CENPW: variants seen among roughly 807,000 people sequenced by gnomAD.
CENPW encodes cancer-up-regulated gene 2 protein.
A neutral mutation model predicts 11.1 loss-of-function variants in CENPW; 3 were observed. That is an observed-to-expected ratio of 0.27 (90% CI 0.12 to 0.70). The LOEUF (loss-of-function observed/expected upper bound fraction) is 0.70, where lower values mean the gene tolerates loss of function less well. CENPW is among the 30% of genes least tolerant of loss of function. CENPW has a pLI of 0.77. For missense variants in CENPW, 100 were observed against 105.6 expected (o/e 0.95, Z 0.23); for synonymous variants, 38 against 42.0 (o/e 0.91, Z 0.37).
the CENPW span, among the ~76,000 whole-genome samples, chr6:126,419,115 A>G: frequency 6.6e-6 from 1 of 152,088 alleles, no homozygotes; most frequent in African/African-American, 2.4e-5. Flanking sequence ...AGATAATCAA[A>G]TTAGTAACCA....
chr6:126,376,057 C>T, the CENPW span, among the ~76,000 whole-genome samples: 12 of 152,228 alleles, frequency 7.9e-5, no homozygotes, highest in South Asian at 2.1e-3. Flanking sequence ...ATGACTTGCA[C>T]GTCCTGAAGA....
the CENPW span, among the ~76,000 whole-genome samples, chr6:126,421,238 A>G: frequency 6.6e-6 from 1 of 152,116 alleles, no homozygotes; most frequent in African/African-American, 2.4e-5. Flanking sequence ...AGATTTCATT[A>G]AAACTTTTAG....
chr6:126,386,889 A>G, the CENPW span, among the ~76,000 whole-genome samples: 1 of 151,980 alleles, frequency 6.6e-6, no homozygotes, highest in South Asian at 2.1e-4. Flanking sequence ...GAAGAAATAT[A>G]ATTAAAAATT....
At chr6:126,374,182 T>C in the CENPW span, among the ~76,000 whole-genome samples, 1 of 152,184 alleles carries the variant, frequency 6.6e-6, no homozygotes, top group Non-Finnish European at 1.5e-5. Flanking sequence ...ATAAGAACTC[T>C]AATAAAAATT....
chr6:126,402,236 A>G, the CENPW span, among the ~76,000 whole-genome samples: 1 of 150,518 alleles, frequency 6.6e-6, no homozygotes, highest in African/African-American at 2.4e-5. Context: ...CCTTCCCTTT[A>G]TTTTCTTTGT....
the CENPW span, among the ~76,000 whole-genome samples, chr6:126,407,487 C>G: frequency 3.3e-5 from 5 of 152,086 alleles, no homozygotes; most frequent in African/African-American, 7.2e-5. Context: ...ATTTCTACTT[C>G]TAGATTTTGA....
the CENPW span, among the ~76,000 whole-genome samples, chr6:126,426,605 T>C: frequency 6.6e-6 from 1 of 152,178 alleles, no homozygotes; most frequent in Non-Finnish European, 1.5e-5. Flanking sequence ...ATTGATTTTG[T>C]ACAATGATGC....
At chr6:126,364,491 T>A in the CENPW span, among the ~76,000 whole-genome samples, 29 of 152,136 alleles carry the variant, frequency 1.9e-4, no homozygotes, top group African/African-American at 7.2e-5. Context: ...TCCTACTCTC[T>A]CCAGAGAACT....
At chr6:126,428,180 A>C in the CENPW span, among the ~76,000 whole-genome samples, 1 of 152,352 alleles carries the variant, frequency 6.6e-6, no homozygotes, top group South Asian at 2.1e-4. Flanking sequence ...ACACATATCC[A>C]CATATATTAC....
chr6:126,385,995 A>G, the CENPW span, among the ~76,000 whole-genome samples: 1 of 152,108 alleles, frequency 6.6e-6, no homozygotes, highest in African/African-American at 2.4e-5. Flanking sequence ...TCAGTTGGTA[A>G]TGCCTAAAAT....
chr6:126,480,176 T>C, the CENPW span, among the ~76,000 whole-genome samples: 1 of 152,052 alleles, frequency 6.6e-6, no homozygotes, highest in Admixed American at 6.6e-5. Context: ...AAGTCTTTTT[T>C]TCTACGCACA....
chr6:126,468,830 T>G, the CENPW span, among the ~76,000 whole-genome samples: 1 of 152,144 alleles, frequency 6.6e-6, no homozygotes, highest in Non-Finnish European at 1.5e-5. Flanking sequence ...TTTCTTGAGA[T>G]GGAGTCTCTG....
the CENPW span, among the ~76,000 whole-genome samples, chr6:126,461,265 C>T: frequency 6.6e-6 from 1 of 151,946 alleles, no homozygotes; most frequent in Admixed American, 6.6e-5. Context: ...TTTCCCTACA[C>T]ACGCTCTCTT....
At chr6:126,373,363 G>GA in the CENPW span, among the ~76,000 whole-genome samples, 1 of 152,166 alleles carries the variant, frequency 6.6e-6, no homozygotes, top group Admixed American at 6.5e-5. Context: ...AAAATAACTT[G>GA]AAGACATATG....
chr6:126,473,677 G>A, the CENPW span, among the ~76,000 whole-genome samples: 2 of 151,976 alleles, frequency 1.3e-5, no homozygotes, highest in East Asian at 1.9e-4. Flanking sequence ...AGGTTGCAGC[G>A]AGCCAAGGTC....
chr6:126,358,055 C>T, the CENPW span, among the ~76,000 whole-genome samples: 2 of 152,120 alleles, frequency 1.3e-5, no homozygotes, highest in Non-Finnish European at 2.9e-5. Flanking sequence ...GAATTTTGTA[C>T]ATTGATTTTG....
the CENPW span, among the ~76,000 whole-genome samples, chr6:126,375,848 C>T: frequency 6.6e-6 from 1 of 152,096 alleles, no homozygotes; most frequent in Non-Finnish European, 1.5e-5. Flanking sequence ...TAATGAATTT[C>T]TAATCCTTTA....
chr6:126,410,627 C>T, the CENPW span, among the ~76,000 whole-genome samples: 1 of 151,532 alleles, frequency 6.6e-6, no homozygotes, highest in Non-Finnish European at 1.5e-5. Flanking sequence ...GTGCAGCTCT[C>T]ATATATCAAA....
the CENPW span, among the ~76,000 whole-genome samples, chr6:126,479,254 C>T: frequency 6.6e-6 from 1 of 151,958 alleles, no homozygotes; most frequent in Admixed American, 6.6e-5. Context: ...TCATTCTGCT[C>T]TATGTTATTA....
Sources: gnomAD v4.1 joint callset for allele counts (sites outside exome capture counted in the v4.1 genomes callset) on GRCh38, gnomAD v4.1.1 for gene constraint, MANE v1.5 for transcripts, NCBI Gene and HGNC (gene_info 2026-07-23, HGNC 2026-07-21) for gene names.